Variants in COG7 observed in about 807,000 individuals in gnomAD.
COG7 encodes the protein component of oligomeric golgi complex 7, also known as conserved oligomeric Golgi complex subunit 7.
In COG7, 49 loss-of-function variants were observed where a neutral mutation model predicts 91.5. The observed-to-expected ratio is 0.54, with a 90% CI of 0.43 to 0.68. The LOEUF is 0.68. Ranked by LOEUF, COG7 falls within the 30% of genes least tolerant of loss-of-function variation. The probability of loss-of-function intolerance (pLI) is 0.00; values close to 1 mark genes in which losing one functional copy is unlikely to be tolerated. For synonymous variants in COG7, 365 were observed against 388.7 expected (o/e 0.94, Z 0.72); for missense variants, 895 against 961.3 (o/e 0.93, Z 0.91).
chr16:23,392,064 GA>G, intron 16 of COG7: 1 of 1,271,752 alleles, frequency 7.9e-7, no homozygotes, highest in South Asian at 1.6e-5. Flanking sequence ...CACTGGTTGG[GA>G]ATTATGGCAC....
Position 23,437,960 on chromosome 16 carries a change from C to T in COG7, c.605-3242G>A, listed in dbSNP as rs1055082105. Among the ~76,000 whole-genome samples, 81 of 151,850 alleles carry T rather than the reference C, an allele frequency of 5.3e-4. 1 individual carries two copies. The highest frequency in any genetic ancestry group is 8.8e-5 in the Non-Finnish European group (6 of 67,988). On this transcript the variant is annotated intron_variant, in intron 4 of 16. Transcript: ENST00000307149. ...ATTAGCTGGGTGTGGTGGCACACGCCTGTAGTCCCAGCTACTCGGGAAGCT... is the reference window on the plus strand; with the variant it reads ...ATTAGCTGGGTGTGGTGGCACACGCTTGTAGTCCCAGCTACTCGGGAAGCT...
At chr16:23,397,792 G>A (rs917435514) in intron 14 of COG7, among the ~76,000 whole-genome samples, 2 of 152,142 alleles carry the variant, frequency 1.3e-5, no homozygotes, top group Admixed American at 6.5e-5. Flanking sequence ...CAACTCTGAC[G>A]CCCTCAGGTA....
intron 7 of COG7, among the ~76,000 whole-genome samples, chr16:23,420,247 A>G (rs1441448216): frequency 1.3e-5 from 2 of 152,250 alleles, no homozygotes; most frequent in African/African-American, 4.8e-5. Context: ...ATTCTACAAC[A>G]CAGTAATTCA....
At chr16:23,438,024 G>T (rs1964038499) in intron 4 of COG7, among the ~76,000 whole-genome samples, 1 of 150,000 alleles carries the variant, frequency 6.7e-6, no homozygotes, top group Admixed American at 6.7e-5. Context: ...GGCAGAGGTT[G>T]CAGCGAGCCG....
At chr16:23,409,373 T>G (rs769492796) in intron 11 of COG7, among the ~76,000 whole-genome samples, 7 of 152,174 alleles carry the variant, frequency 4.6e-5, no homozygotes, top group Non-Finnish European at 1.0e-4. Flanking sequence ...GAGAGATTTC[T>G]CTCATCCTGG....
intron 1 of COG7, 120 bp downstream of exon 1, chr16:23,452,706 G>A (rs935680316): frequency 1.4e-6 from 2 of 1,473,600 alleles, no homozygotes; most frequent in Admixed American, 4.5e-5. Context: ...TTGCTCTTTT[G>A]CCGAGGGTAT....
chr16:23,452,627 A>T, intron 1 of COG7, 199 bp downstream of exon 1: 1 of 1,279,050 alleles, frequency 7.8e-7, no homozygotes, highest in South Asian at 1.6e-5. Context: ...AACACCCAAA[A>T]TTAGCAAGTG....
At chr16:23,414,736 C>T (rs964314620) in intron 9 of COG7, 2 of 152,150 alleles carry the variant, frequency 1.3e-5, no homozygotes, top group African/African-American at 2.4e-5. Context: ...TAGCACAGAG[C>T]TGGACATAAA....
intron 13 of COG7, among the ~76,000 whole-genome samples, chr16:23,402,702 A>G (rs1292172776): frequency 6.6e-6 from 1 of 152,220 alleles, no homozygotes; most frequent in Non-Finnish European, 1.5e-5. Context: ...ACAAATACAA[A>G]ATCTGATTGA....
rs112736436 is a variant in COG7 at position 23,393,279 on chromosome 16, T to C, written c.1956A>G (p.Leu652=). Residue 652 remains leucine (L), a synonymous_variant, in exon 15 of 17, where the codon TTA becomes TTG. Transcript: ENST00000307149. ...EPFVTQEDSA[L]ELALHAGKLP... ...GCTTTCCAGCGTGCAATGCCAACTC[T>C]AAGGCAGAGTCCTCCTGAGTCACAA... 5 of 1,614,130 alleles carry C rather than the reference T, an allele frequency of 3.1e-6. No homozygotes were observed. The highest frequency in any genetic ancestry group is 1.3e-5 in the African/African-American group (1 of 75,038).
At chr16:23,452,781 CGA>C (rs1174249587) in intron 1 of COG7, 43 bp downstream of exon 1, 6 of 1,580,184 alleles carry the variant, frequency 3.8e-6, no homozygotes, top group Non-Finnish European at 5.2e-6. Flanking sequence ...TCTGCCCAGC[CGA>C]GAGCAGGGGA....
chr16:23,419,411 CA>C (rs762261311), intron 7 of COG7, among the ~76,000 whole-genome samples: 156 of 113,756 alleles, frequency 1.4e-3, no homozygotes, highest in East Asian at 1.8e-3. Flanking sequence ...GACTCCATCT[CA>C]AAAAAAAAAA....
At chr16:23,409,319 G>C (rs1223195225) in intron 11 of COG7, among the ~76,000 whole-genome samples, 1 of 152,122 alleles carries the variant, frequency 6.6e-6, no homozygotes, top group Non-Finnish European at 1.5e-5. Context: ...ATCATTTTGT[G>C]ATTTACGGGC....
intron 16 of COG7, among the ~76,000 whole-genome samples, chr16:23,391,540 GTTC>G (rs1420816926): frequency 1.3e-5 from 2 of 152,216 alleles, no homozygotes; most frequent in East Asian, 1.9e-4. Flanking sequence ...CTTGCTTCTA[GTTC>G]TTCTTCTGCA....
At chr16:23,408,142 C>T (rs1452397280) in intron 11 of COG7, among the ~76,000 whole-genome samples, 14 of 6,614 alleles carry the variant, frequency 2.1e-3, no homozygotes, top group Admixed American at 4.6e-3. Flanking sequence ...GGGCGGGAGG[C>T]AGGGGGCGAG....
intron 6 of COG7, 110 bp downstream of exon 6, chr16:23,433,435 G>A: frequency 7.2e-7 from 1 of 1,397,408 alleles, no homozygotes; most frequent in South Asian, 1.2e-5. Flanking sequence ...AACAAACGGG[G>A]AAGTTCTTTG....
intron 5 of COG7, among the ~76,000 whole-genome samples, 176 bp downstream of exon 5, chr16:23,434,460 T>G (rs1035549854): frequency 1.3e-5 from 2 of 152,168 alleles, no homozygotes; most frequent in African/African-American, 4.8e-5. Context: ...CAACTGGCAA[T>G]TAAACAAATC....
chr16:23,427,017 G>A (rs542014101), intron 6 of COG7, among the ~76,000 whole-genome samples: 14 of 152,240 alleles, frequency 9.2e-5, no homozygotes, highest in Admixed American at 3.3e-4. Flanking sequence ...GGGAGGCTAA[G>A]GTGGGAGGAT....
chr16:23,408,864 C>T (rs926826996), intron 11 of COG7, among the ~76,000 whole-genome samples: 1 of 151,586 alleles, frequency 6.6e-6, no homozygotes. Flanking sequence ...AATGGGGACA[C>T]AATAGATAAA....
Sources: allele counts gnomAD v4.1 joint callset (sites outside exome capture counted in the v4.1 genomes callset), GRCh38; gene constraint gnomAD v4.1.1; transcripts MANE v1.5; gene names NCBI Gene and HGNC (gene_info 2026-07-23, HGNC 2026-07-21).